Variants in AKR1C3 observed in about 807,000 individuals in gnomAD.
The protein encoded by AKR1C3 is aldo-keto reductase family 1 member C3, also known as 3-alpha hydroxysteroid dehydrogenase, type II.
In AKR1C3, 48 loss-of-function variants were observed where a neutral mutation model predicts 43.6. The ratio of observed to expected loss-of-function variants is 1.10; its 90% CI spans 0.87 to 1.40. The LOEUF is 1.40. Among genes scored for constraint, AKR1C3 ranks in the 40% most tolerant of loss-of-function variants. The probability of loss-of-function intolerance (pLI) is 0.00; values close to 1 mark genes in which losing one functional copy is unlikely to be tolerated. For synonymous variants in AKR1C3, 162 were observed against 139.6 expected, an observed-to-expected ratio of 1.16 and a Z score of -1.13; for missense variants, 482 against 391.2, an observed-to-expected ratio of 1.23 and a Z score of -1.96.
At chr10:5,089,381 T>G (rs1374133766) in intron 1 of AKR1C3, among the ~76,000 whole-genome samples, 4 of 152,158 alleles carry the variant, frequency 2.6e-5, no homozygotes, top group African/African-American at 9.6e-5. Flanking sequence ...AAATGCTTAT[T>G]AGTTGTAGAT....
At chr10:5,073,240 G>T (rs1218609773) in intron 1 of AKR1C3, among the ~76,000 whole-genome samples, 1 of 152,118 alleles carries the variant, frequency 6.6e-6, no homozygotes, top group Non-Finnish European at 1.5e-5. Context: ...GGGATTACAG[G>T]TGTGAGCCAC....
At chr10:5,048,998 G>A (rs1554778670) in intron 1 of AKR1C3, 1 of 875,328 alleles carries the variant, frequency 1.1e-6, no homozygotes, top group African/African-American at 1.7e-5. Flanking sequence ...TACTCTGCAT[G>A]ACTCCAACCT....
At chr10:5,079,430 G>A (rs1345170914) in intron 1 of AKR1C3, among the ~76,000 whole-genome samples, 1 of 152,210 alleles carries the variant, frequency 6.6e-6, no homozygotes, top group Non-Finnish European at 1.5e-5. Context: ...AGATTTGCAA[G>A]TGCTGAGGAA....
intron 1 of AKR1C3, among the ~76,000 whole-genome samples, chr10:5,062,791 T>A (rs568289667): frequency 6.0e-4 from 91 of 151,286 alleles, no homozygotes; most frequent in Non-Finnish European, 1.1e-3. Context: ...AAATACTAGA[T>A]CTGCTACAGG....
intron 3 of AKR1C3, 50 bp from the exon 4 acceptor site, chr10:5,098,752 A>C: frequency 2.0e-6 from 3 of 1,482,030 alleles, no homozygotes; most frequent in Non-Finnish European, 2.8e-6. Flanking sequence ...TACAGCTATG[A>C]GTGGAGAAAT....
intron 1 of AKR1C3, among the ~76,000 whole-genome samples, chr10:5,052,467 A>C (rs546911475): frequency 4.1e-4 from 61 of 147,732 alleles, no homozygotes; most frequent in African/African-American, 1.5e-3. Context: ...TTGTACAGAG[A>C]GCTGATTGGT....
intron 1 of AKR1C3, among the ~76,000 whole-genome samples, chr10:5,063,294 T>C (rs1363500603): frequency 3.3e-5 from 5 of 152,200 alleles, no homozygotes; most frequent in Admixed American, 1.3e-4. Flanking sequence ...AAATTTAAGT[T>C]ACATTGGCAT....
chr10:5,066,081 G>A (rs11815946), intron 1 of AKR1C3, among the ~76,000 whole-genome samples: 30,654 of 152,098 alleles, frequency 0.2, 3,170 homozygotes, highest in East Asian at 0.38. Flanking sequence ...CTAGGTGAGA[G>A]GAAATGAATT....
At chr10:5,060,784 G>A (rs778561125) in intron 1 of AKR1C3, among the ~76,000 whole-genome samples, 5 of 137,360 alleles carry the variant, frequency 3.6e-5, no homozygotes, top group Non-Finnish European at 6.4e-5. Flanking sequence ...GCCCACAGAG[G>A]TGGGGAGGCT....
upstream of AKR1C3, among the ~76,000 whole-genome samples, chr10:5,093,155 C>A (rs761168579): frequency 6.6e-6 from 1 of 152,018 alleles, no homozygotes; most frequent in Non-Finnish European, 1.5e-5. Flanking sequence ...GACTATTGCA[C>A]GTCTCTTCCC....
intron 1 of AKR1C3, among the ~76,000 whole-genome samples, chr10:5,075,930 G>C (rs919349465): frequency 7.9e-5 from 12 of 151,430 alleles, no homozygotes; most frequent in Admixed American, 1.3e-4. Context: ...GTATTACTAG[G>C]GGGGCTCTAG....
At chr10:5,049,545 A>C (rs1481931385) in intron 1 of AKR1C3, among the ~76,000 whole-genome samples, 1 of 152,242 alleles carries the variant, frequency 6.6e-6, no homozygotes, top group East Asian at 1.9e-4. Context: ...TATGCATCAG[A>C]TTTGTAACAA....
At chr10:5,084,473 A>G (rs1223965894) in intron 1 of AKR1C3, among the ~76,000 whole-genome samples, 1 of 151,708 alleles carries the variant, frequency 6.6e-6, no homozygotes, top group East Asian at 1.9e-4. Context: ...TGTTTTGGTT[A>G]CTGTAGCCTT....
chr10:5,061,031 A>T (rs971488773), intron 1 of AKR1C3, among the ~76,000 whole-genome samples: 1 of 151,800 alleles, frequency 6.6e-6, no homozygotes. Flanking sequence ...CTCCCTCCAC[A>T]CCTCCCTGCA....
chr10:5,078,607 T>G (rs1588343148), intron 1 of AKR1C3, among the ~76,000 whole-genome samples: 2 of 152,262 alleles, frequency 1.3e-5, no homozygotes, highest in South Asian at 2.1e-4. Context: ...TACCTGTTCG[T>G]GAGTTGATTT....
chr10:5,057,545 G>A (rs1046083435), intron 1 of AKR1C3, among the ~76,000 whole-genome samples: 7 of 152,166 alleles, frequency 4.6e-5, no homozygotes, highest in African/African-American at 7.2e-5. Flanking sequence ...AATTTCTTAA[G>A]GCCTCATGTA....
intron 3 of AKR1C3, chr10:5,098,141 CAA>C (rs1839257168): frequency 1.0e-6 from 1 of 985,906 alleles, no homozygotes; most frequent in African/African-American, 1.7e-5. Context: ...CTAGTTAATG[CAA>C]AAGAGTTTAC....
intron 8 of AKR1C3, among the ~76,000 whole-genome samples, 185 bp from the exon 9 acceptor site, chr10:5,107,276 T>C (rs1223861908): frequency 1.3e-5 from 2 of 152,224 alleles, no homozygotes; most frequent in East Asian, 3.8e-4. Context: ...GGGAATATGA[T>C]TGAATAATTT....
intron 1 of AKR1C3, among the ~76,000 whole-genome samples, chr10:5,087,800 A>AT (rs1196417757): frequency 6.7e-6 from 1 of 149,584 alleles, no homozygotes. Context: ...CTTTATACCT[A>AT]TTTTTTTTCT....
Sources: gnomAD v4.1 joint callset for allele counts (sites outside exome capture counted in the v4.1 genomes callset) on GRCh38, gnomAD v4.1.1 for gene constraint, MANE v1.5 for transcripts, NCBI Gene and HGNC (gene_info 2026-07-23, HGNC 2026-07-21) for gene names.